SRGAP1: variants seen among roughly 807,000 people sequenced by gnomAD.
The protein encoded by SRGAP1 is SLIT-ROBO Rho GTPase activating protein 1.
SRGAP1 carries 43 observed loss-of-function variants against 121.9 expected under a neutral mutation model. The observed-to-expected ratio is 0.35, with a 90% CI of 0.28 to 0.46. The LOEUF is 0.46. SRGAP1 is among the 20% of genes least tolerant of loss of function. The pLI is 1.00. For missense variants in SRGAP1, 1,102 were observed against 1,350.9 expected, an observed-to-expected ratio of 0.82 and a Z score of 2.89; for synonymous variants, 447 against 485.4, an observed-to-expected ratio of 0.92 and a Z score of 1.04.
rs754153202 is a variant in SRGAP1, at chr12:63,990,023, T to C, written c.377T>C (p.Ile126Thr). ...AGTGACATCTATCTGAACAATGTGA[T>C]TATGCGGTTCATGCAGATAAGTGAG... ...TLSDIYLNNVIMRFMQISEDS... is the reference protein window; with the variant it reads ...TLSDIYLNNVTMRFMQISEDS... The change falls in exon 3 of 22, where the codon ATT becomes ACT. Residue 126 changes from isoleucine (I) to threonine (T), a missense_variant. By Grantham distance (89) the Ile-to-Thr change is moderately conservative. Coordinates refer to ENST00000355086, the MANE Select transcript of SRGAP1 (RefSeq NM_020762.4). 5 of 1,613,660 alleles carry C rather than the reference T, an allele frequency of 3.1e-6. No individual in the cohort carries two copies. The South Asian group carries it at 3.3e-5, about 11-fold the overall frequency.
intron 1 of SRGAP1, among the ~76,000 whole-genome samples, chr12:63,907,148 T>G (rs897340316): frequency 1.3e-5 from 2 of 152,198 alleles, no homozygotes; most frequent in Non-Finnish European, 2.9e-5. Flanking sequence ...GATTTGCACT[T>G]CCCTGATGGT....
At chr12:63,924,388 A>T (rs2031181261) in intron 1 of SRGAP1, among the ~76,000 whole-genome samples, 1 of 152,164 alleles carries the variant, frequency 6.6e-6, no homozygotes, top group Non-Finnish European at 1.5e-5. Flanking sequence ...GACCCAGAAT[A>T]AAGTAAATCG....
At chr12:63,945,941 A>T (rs2032031769) in intron 1 of SRGAP1, among the ~76,000 whole-genome samples, 1 of 151,696 alleles carries the variant, frequency 6.6e-6, no homozygotes, top group South Asian at 2.1e-4. Flanking sequence ...TAGTTCACCC[A>T]CACATACCTT....
chr12:64,025,652 T>A (rs576737021), intron 4 of SRGAP1, among the ~76,000 whole-genome samples: 4 of 152,164 alleles, frequency 2.6e-5, no homozygotes, highest in Non-Finnish European at 5.9e-5. Context: ...TGATGCCTCC[T>A]GGAAAACTTT....
intron 18 of SRGAP1, among the ~76,000 whole-genome samples, chr12:64,120,070 C>T (rs2036581994): frequency 6.6e-6 from 1 of 152,088 alleles, no homozygotes; most frequent in Non-Finnish European, 1.5e-5. Flanking sequence ...TGTGCCCAGC[C>T]TTTAAATATT....
chr12:64,026,688 G>A (rs997836433), intron 4 of SRGAP1, among the ~76,000 whole-genome samples: 2 of 151,458 alleles, frequency 1.3e-5, no homozygotes, highest in African/African-American at 4.9e-5. Context: ...CCAACATGGT[G>A]AAACCCCATC....
intron 6 of SRGAP1, among the ~76,000 whole-genome samples, chr12:64,044,637 G>A (rs535432525): frequency 3.0e-5 from 4 of 135,000 alleles, no homozygotes; most frequent in Non-Finnish European, 6.5e-5. Context: ...TTGAGGGAAG[G>A]AATTATTTTT....
At chr12:63,864,932 A>G (rs1421079248) in intron 1 of SRGAP1, among the ~76,000 whole-genome samples, 1 of 152,178 alleles carries the variant, frequency 6.6e-6, no homozygotes, top group East Asian at 1.9e-4. Context: ...ATATAAAAAA[A>G]TAAACTTGTT....
Position 64,142,912 on chromosome 12 carries a change from T to TA in SRGAP1, c.*241dup. The TA allele has an allele frequency of 3.9e-6, 2 of 515,752 alleles. No homozygotes were observed. Among genetic ancestry groups the TA allele is most frequent in the Admixed American group, 6.8e-5 (2 of 29,494 alleles). 31.9% of individuals were successfully genotyped at this position (515,752 alleles called of 1,614,324 possible). A position where few individuals can be genotyped will look rare whatever the true frequency, so the allele number is the denominator to read the frequency against. ...TAAGGACAATAGAAACACTTAGACTTACTTGAAAATCCAATGCTGCACCAC... is the reference window on the plus strand; with the variant it reads ...TAAGGACAATAGAAACACTTAGACTTAACTTGAAAATCCAATGCTGCACCAC... On this transcript the variant is annotated 3_prime_UTR_variant, in exon 22 of 22. Coordinates refer to ENST00000355086, the MANE Select transcript of SRGAP1 (RefSeq NM_020762.4).
At chr12:64,093,681 G>A (rs531438846) in intron 12 of SRGAP1, among the ~76,000 whole-genome samples, 1 of 152,106 alleles carries the variant, frequency 6.6e-6, no homozygotes, top group South Asian at 2.1e-4. Context: ...ACTAAAATGC[G>A]TTTTTATTCT....
intron 15 of SRGAP1, among the ~76,000 whole-genome samples, chr12:64,098,940 C>G (rs2036213137): frequency 6.6e-6 from 1 of 152,248 alleles, no homozygotes; most frequent in African/African-American, 2.4e-5. Context: ...TCCCACAACT[C>G]TGTCCTCCCC....
intron 1 of SRGAP1, among the ~76,000 whole-genome samples, chr12:63,861,365 T>C (rs1256382394): frequency 3.3e-5 from 5 of 151,210 alleles, no homozygotes; most frequent in Admixed American, 3.3e-4. Context: ...AGTGGCACAT[T>C]CTCAGCTTAC....
At chr12:64,019,826 G>A (rs1221806220) in intron 4 of SRGAP1, among the ~76,000 whole-genome samples, 2 of 152,118 alleles carry the variant, frequency 1.3e-5, no homozygotes, top group African/African-American at 4.8e-5. Flanking sequence ...AAGTTGCATC[G>A]TGCATAGAAT....
At chr12:64,017,070 A>G in intron 4 of SRGAP1, 58 bp downstream of exon 4, 1 of 985,942 alleles carries the variant, frequency 1.0e-6, no homozygotes. Flanking sequence ...CTGGTTTGTA[A>G]AAACACTGCT....
In SRGAP1 at chr12:63,869,150, A is replaced by G. The variant is rs147810166; in HGVS notation, c.67+24267A>G. On this transcript the variant is annotated intron_variant, in intron 1 of 21. Transcript: ENST00000355086. ...AGTACCACAGACTAGGTAATTTATA[A>G]TGAAAATATATTTGTTGGCTCACAG... is the stretch of plus-strand genomic sequence containing the variant. Among the ~76,000 whole-genome samples, 18 of 152,312 alleles carry G rather than the reference A, an allele frequency of 1.2e-4. No individual in the cohort carries two copies. The East Asian group carries it at 3.5e-3, about 29-fold the overall frequency.
At chr12:64,115,776 A>G (rs371916696) in intron 17 of SRGAP1, 38 bp from the exon 18 acceptor site, 22 of 1,582,266 alleles carry the variant, frequency 1.4e-5, no homozygotes, top group Non-Finnish European at 1.6e-5. Flanking sequence ...ATTTTTGTCT[A>G]TTTTAATTTC....
rs1592937216 is a variant in SRGAP1 at position 63,909,390 on chromosome 12, A to C, written c.67+64507A>C. On this transcript the variant is annotated intron_variant, in intron 1 of 21. Transcript: ENST00000355086. Reference sequence around the variant, plus strand: ...GATCTCTTACCACATCCCTTGCTCTATCCCTTGACCTCCATCTCATCCTTT... The same window carrying C: ...GATCTCTTACCACATCCCTTGCTCTCTCCCTTGACCTCCATCTCATCCTTT... 4.6e-5 allele frequency among the ~76,000 whole-genome samples: 7 copies of C among 152,294 alleles called. 3 individuals are homozygous for C. The highest frequency in any genetic ancestry group is 4.6e-4 in the Admixed American group (7 of 15,296).
intron 1 of SRGAP1, among the ~76,000 whole-genome samples, chr12:63,975,273 C>T (rs1255869317): frequency 1.3e-5 from 2 of 152,152 alleles, no homozygotes; most frequent in Non-Finnish European, 2.9e-5. Flanking sequence ...GTATTCTGTA[C>T]TGTGTTTGCC....
At chr12:63,907,149 C>G (rs1204738743) in intron 1 of SRGAP1, among the ~76,000 whole-genome samples, 1 of 152,094 alleles carries the variant, frequency 6.6e-6, no homozygotes, top group African/African-American at 2.4e-5. Flanking sequence ...ATTTGCACTT[C>G]CCTGATGGTT....
Sources: gnomAD v4.1 joint callset for allele counts (sites outside exome capture counted in the v4.1 genomes callset) on GRCh38, gnomAD v4.1.1 for gene constraint, MANE v1.5 for transcripts, NCBI Gene and HGNC (gene_info 2026-07-23, HGNC 2026-07-21) for gene names.